Variants in EXOG observed in about 807,000 individuals in gnomAD.
EXOG encodes the protein nuclease EXOG, mitochondrial.
In EXOG, 27 loss-of-function variants were observed where a neutral mutation model predicts 25.8. That is an observed-to-expected ratio of 1.05 (90% CI 0.77 to 1.45). The LOEUF is 1.45. Among genes scored for constraint, EXOG ranks in the 40% most tolerant of loss-of-function variants. The pLI, the probability that EXOG is intolerant of heterozygous loss-of-function variation, is 0.00. For missense variants in EXOG, 458 were observed against 450.5 expected (o/e 1.02, Z -0.15); for synonymous variants, 133 against 167.0 (o/e 0.80, Z 1.57).
In EXOG at chr3:38,497,696, C is replaced by G; in HGVS notation, c.231C>G (p.Tyr77Ter). Residue 77 changes from tyrosine to a stop codon, truncating the protein, a stop_gained, in exon 2 of 6, where the codon TAC becomes TAG. Coordinates refer to ENST00000287675, the MANE Select transcript of EXOG (RefSeq NM_005107.4). LOFTEE classifies it high-confidence loss of function. ...FPLTGTEARC[Y>*]TNHALSYDQA... is the part of the protein sequence containing the mutation. ...TAACTGGAACAGAGGCAAGGTGTTACACTAATCACGCTTTGTCTTATGATC... is the reference window on the plus strand; with the variant it reads ...TAACTGGAACAGAGGCAAGGTGTTAGACTAATCACGCTTTGTCTTATGATC... The G allele has an allele frequency of 1.9e-6, 3 of 1,606,140 alleles. No homozygotes were observed. Among genetic ancestry groups the G allele is most frequent in the African/African-American group, 1.3e-5 (1 of 74,316 alleles).
chr3:38,525,493 C>G lies in EXOG; in HGVS notation c.*1131C>G. 1 of 985,378 alleles carries G rather than the reference C, an allele frequency of 1.0e-6. No individual in the cohort carries two copies. The allele number at this position is 985,378 out of a possible 1,614,324, so 61.0% of individuals were successfully genotyped here. On this transcript the variant is annotated 3_prime_UTR_variant, in exon 6 of 6. Transcript: ENST00000287675. The stretch of plus-strand genomic sequence containing the variant: ...CCTTAGCTCTGTGGAAAGAGACAGT[C>G]AGGAATATTTGGGAATTAGACGGCA...
chr3:38,523,220 C>T (rs1161128257), intron 5 of EXOG: 1 of 1,288,770 alleles, frequency 7.8e-7, no homozygotes, highest in Non-Finnish European at 1.0e-6. Flanking sequence ...ATGTTTGGAG[C>T]ACCAGAAGTT....
In EXOG at chr3:38,503,606, T is replaced by A; in HGVS notation, c.454-9T>A. ...TTCAGTGCAAGTTACTATGTTTCTT[T>A]CTTTACAGAAAGCCATGGCTGAAAC... On this transcript the variant is annotated splice_polypyrimidine_tract_variant and intron_variant, in intron 3 of 5. Transcript: ENST00000287675. 1 of 1,546,366 alleles carries A rather than the reference T, an allele frequency of 6.5e-7. No homozygotes were observed.
At chr3:38,512,025 C>G (rs2060385829) in intron 5 of EXOG, among the ~76,000 whole-genome samples, 1 of 152,204 alleles carries the variant, frequency 6.6e-6, no homozygotes, top group East Asian at 1.9e-4. Flanking sequence ...TTCTTATCTA[C>G]AGAAGCCCAA....
At position 38,525,305 on chromosome 3, in the gene EXOG, G is replaced by A; in HGVS notation, c.*943G>A. The A allele has an allele frequency of 2.9e-5, 29 of 985,240 alleles. No homozygotes were observed. The highest frequency in any genetic ancestry group is 3.3e-5 in the Non-Finnish European group (27 of 829,760). 61.0% of individuals were successfully genotyped at this position (985,240 alleles called of 1,614,324 possible). On this transcript the variant is annotated 3_prime_UTR_variant, in exon 6 of 6. Coordinates refer to ENST00000287675, the MANE Select transcript of EXOG (RefSeq NM_005107.4). ...ATCTAAGAGAAGAAAGACAGCTGAG[G>A]TAGATTCAAATCTTTTCTGACATGG...
intron 2 of EXOG, 176 bp from the exon 3 acceptor site, chr3:38,501,179 T>C: frequency 1.7e-6 from 1 of 586,654 alleles, no homozygotes; most frequent in South Asian, 2.2e-5. Flanking sequence ...AGACTAGTAC[T>C]TTCTAAATTC....
chr3:38,503,935 G>C lies in EXOG; in HGVS notation c.530+244G>C, dbSNP rs186373910. 1.4e-3 allele frequency among the ~76,000 whole-genome samples: 206 copies of C among 152,244 alleles called. 1 individual carries two copies. Among genetic ancestry groups the C allele is most frequent in the African/African-American group, 4.8e-3 (200 of 41,546 alleles). On this transcript the variant is annotated intron_variant, in intron 4 of 5. Coordinates refer to ENST00000287675, the MANE Select transcript of EXOG (RefSeq NM_005107.4). ...TGCCACTGTTCAAAAGTCAAGTTTT[G>C]AAAGAAATGACTCAAAATAATAATC...
At chr3:38,509,531 C>A (rs1048507146) in intron 5 of EXOG, among the ~76,000 whole-genome samples, 1 of 152,158 alleles carries the variant, frequency 6.6e-6, no homozygotes, top group Non-Finnish European at 1.5e-5. Flanking sequence ...ATGAACACAT[C>A]TTGAGACCCA....
At chr3:38,518,148 A>T (rs1575666071) in intron 5 of EXOG, among the ~76,000 whole-genome samples, 1 of 152,146 alleles carries the variant, frequency 6.6e-6, no homozygotes, top group South Asian at 2.1e-4. Flanking sequence ...AGAAATAGAG[A>T]TGTGGGAGGT....
chr3:38,519,789 G>C (rs1575670757), intron 5 of EXOG, among the ~76,000 whole-genome samples: 1 of 152,194 alleles, frequency 6.6e-6, no homozygotes, highest in Non-Finnish European at 1.5e-5. Flanking sequence ...CAGGGTTTGT[G>C]CTGCCACAAA....
At chr3:38,505,272 CT>C (rs931705792) in intron 4 of EXOG, among the ~76,000 whole-genome samples, 50 of 143,352 alleles carry the variant, frequency 3.5e-4, no homozygotes, top group African/African-American at 2.5e-4. Context: ...ATTTTCCTTT[CT>C]TTTTTTTTTT....
In EXOG at chr3:38,504,019, T is replaced by G. The variant is rs950833573; in HGVS notation, c.530+328T>G. Among the ~76,000 whole-genome samples, 22 of 152,180 alleles carry G rather than the reference T, an allele frequency of 1.4e-4. 1 individual carries two copies. Among genetic ancestry groups the G allele is most frequent in the Admixed American group, 1.3e-4 (2 of 15,282 alleles). ...TTCAGTGAACACTATTATTTTCTCT[T>G]GTATTCCAATATTTCTTAGCTTTTT... is the stretch of plus-strand genomic sequence containing the variant. On this transcript the variant is annotated intron_variant, in intron 4 of 5. Transcript: ENST00000287675.
chr3:38,516,323 G>A (rs949299416), intron 5 of EXOG, among the ~76,000 whole-genome samples: 1 of 151,966 alleles, frequency 6.6e-6, no homozygotes, highest in Admixed American at 6.6e-5. Context: ...TTGCAAAGCA[G>A]GTTAATTTGT....
At position 38,525,423 on chromosome 3, in the gene EXOG, G is replaced by C. The variant is rs1164094300; in HGVS notation, c.*1061G>C. 1 of 985,242 alleles carries C rather than the reference G, an allele frequency of 1.0e-6. No homozygotes were observed. Among genetic ancestry groups the C allele is most frequent in the Non-Finnish European group, 1.2e-6 (1 of 829,908 alleles). The allele number at this position is 985,242 out of a possible 1,614,324, so 61.0% of individuals were successfully genotyped here. A position where few individuals can be genotyped will look rare whatever the true frequency, so the allele number is the denominator to read the frequency against. On this transcript the variant is annotated 3_prime_UTR_variant, in exon 6 of 6. Coordinates refer to ENST00000287675, the MANE Select transcript of EXOG (RefSeq NM_005107.4). Reference sequence around the variant, plus strand: ...GCAAGAAGAGTCTGGTTTCTCGTCTGCTATGCAAGCCAAAGGGACTTTAAT... The same window carrying C: ...GCAAGAAGAGTCTGGTTTCTCGTCTCCTATGCAAGCCAAAGGGACTTTAAT...
chr3:38,508,976 T>C (rs1013523254), intron 5 of EXOG, among the ~76,000 whole-genome samples: 16 of 152,170 alleles, frequency 1.1e-4, no homozygotes, highest in African/African-American at 3.9e-4. Flanking sequence ...GTGAAGGAAG[T>C]CAAAGGAATT....
intron 3 of EXOG, 145 bp downstream of exon 3, chr3:38,501,639 C>A: frequency 1.5e-6 from 1 of 671,692 alleles, no homozygotes; most frequent in Non-Finnish European, 2.5e-6. Flanking sequence ...TATGTCTCTT[C>A]TTTCAATCAC....
intron 5 of EXOG, among the ~76,000 whole-genome samples, chr3:38,512,858 A>G (rs1381128753): frequency 6.6e-6 from 1 of 152,174 alleles, no homozygotes; most frequent in Non-Finnish European, 1.5e-5. Flanking sequence ...GTGCAGTGAC[A>G]AGATCGTAGC....
At position 38,524,764 on chromosome 3, in the gene EXOG, A is replaced by T; in HGVS notation, c.*402A>T. On this transcript the variant is annotated 3_prime_UTR_variant, in exon 6 of 6. Transcript: ENST00000287675. ...ATTAAGGGAGCTTTGACACCTGCAG[A>T]TGGAGGGCTGATCTTGTGTCAAGTT... The T allele has an allele frequency of 1.0e-6, 1 of 990,680 alleles. No homozygotes were observed. The highest frequency in any genetic ancestry group is 1.2e-6 in the Non-Finnish European group (1 of 833,570). 61.4% of individuals were successfully genotyped at this position (990,680 alleles called of 1,614,324 possible).
chr3:38,522,573 C>T (rs6785703), intron 5 of EXOG, among the ~76,000 whole-genome samples: 3,969 of 152,312 alleles, frequency 0.026, 185 homozygotes, highest in African/African-American at 0.089. Context: ...GTCACAATCT[C>T]GGCTAACTGC....
Sources: allele counts gnomAD v4.1 joint callset (sites outside exome capture counted in the v4.1 genomes callset), GRCh38; gene constraint gnomAD v4.1.1; transcripts MANE v1.5; gene names NCBI Gene and HGNC (gene_info 2026-07-23, HGNC 2026-07-21).